The following NPHP1 variants were observed in gnomAD, a reference collection of about 807,000 sequenced individuals.
NPHP1 encodes the protein nephrocystin 1.
In NPHP1, 70 loss-of-function variants were observed where a neutral mutation model predicts 90.4. That is an observed-to-expected ratio of 0.77 (90% confidence interval 0.64 to 0.95). NPHP1 has a LOEUF of 0.95. Ranked by LOEUF, NPHP1 falls within the 40% of genes least tolerant of loss-of-function variation. NPHP1 has a pLI of 0.00. For missense variants in NPHP1, 764 were observed against 795.9 expected (o/e 0.96, Z 0.48); for synonymous variants, 256 against 271.7 (o/e 0.94, Z 0.57).
At chr2:110,184,025 T>C (rs1684100617) in intron 2 of NPHP1, 1 of 451,434 alleles carries the variant, frequency 2.2e-6, no homozygotes, top group Middle Eastern at 5.7e-4. Flanking sequence ...ACCCAACTGG[T>C]AGTTCCTTCC....
At chr2:110,174,753 T>C (rs1319621162) in intron 4 of NPHP1, among the ~76,000 whole-genome samples, 1 of 151,670 alleles carries the variant, frequency 6.6e-6, no homozygotes, top group Non-Finnish European at 1.5e-5. Context: ...TTTTTTCAGC[T>C]CTCATACAGG....
intron 16 of NPHP1, among the ~76,000 whole-genome samples, chr2:110,132,580 G>A (rs1165603041): frequency 6.6e-6 from 1 of 152,146 alleles, no homozygotes; most frequent in Non-Finnish European, 1.5e-5. Flanking sequence ...CTTGAGCCTG[G>A]GCGGTGGATG....
At position 110,143,638 on chromosome 2, in the gene NPHP1, T is replaced by A; in HGVS notation, c.1433A>T (p.His478Leu). 1 of 1,610,944 alleles carries A rather than the reference T, an allele frequency of 6.2e-7. No individual in the cohort carries two copies. Among genetic ancestry groups the A allele is most frequent in the Non-Finnish European group, 8.5e-7 (1 of 1,177,170 alleles). The change falls in exon 16 of 20, where the codon CAC becomes CTC. Residue 478 changes from histidine (H) to leucine (L), a missense_variant. His to Leu is a moderately conservative substitution (Grantham distance 99). Transcript: ENST00000445609. The stretch of plus-strand genomic sequence containing the variant: ...CATAATCTGGTAGAAAACACTGCCG[T>A]GTGCTTTTAAGAAAAATCAAAAGTA... Reference protein sequence around the residue: ...EVDPSISRRAHGSVFYQIMTM... With the variant: ...EVDPSISRRALGSVFYQIMTM...
intron 4 of NPHP1, among the ~76,000 whole-genome samples, chr2:110,172,891 T>C (rs756271824): frequency 3.3e-5 from 5 of 152,150 alleles, no homozygotes; most frequent in Non-Finnish European, 7.4e-5. Context: ...TATATTTTCT[T>C]TGACTCACAG....
intron 11 of NPHP1, among the ~76,000 whole-genome samples, chr2:110,156,440 GC>G (rs1440731662): frequency 6.6e-6 from 1 of 151,798 alleles, no homozygotes; most frequent in African/African-American, 2.4e-5. Flanking sequence ...TTTGTAATTT[GC>G]CCTTTCTTGG....
At chr2:110,201,549 G>T in intron 1 of NPHP1, 55 bp from the exon 2 acceptor site, 1 of 1,244,532 alleles carries the variant, frequency 8.0e-7, no homozygotes, top group Non-Finnish European at 1.2e-6. Flanking sequence ...CCTTAGGAAA[G>T]AAAACTTCTT....
At chr2:110,203,482 C>A (rs1394102484) in intron 1 of NPHP1, among the ~76,000 whole-genome samples, 1 of 152,136 alleles carries the variant, frequency 6.6e-6, no homozygotes, top group Non-Finnish European at 1.5e-5. Context: ...AAGTCAATGC[C>A]CCATCAAGTT....
chr2:110,124,762 CCCAAGG>C, intron 19 of NPHP1: 1 of 174,216 alleles, frequency 5.7e-6, no homozygotes, highest in East Asian at 1.5e-4. Context: ...TGTCTACAGG[CCCAAGG>C]CTGCTGTACT....
chr2:110,184,673 C>T (rs1684156421), intron 2 of NPHP1: 2 of 753,378 alleles, frequency 2.7e-6, no homozygotes, highest in Admixed American at 1.8e-5. Context: ...ATGATTTCCA[C>T]TCATCGTTTG....
At chr2:110,192,178 A>C (rs968931551) in intron 2 of NPHP1, among the ~76,000 whole-genome samples, 17 of 152,212 alleles carry the variant, frequency 1.1e-4, no homozygotes, top group South Asian at 4.1e-4. Context: ...ATGAGTTGAG[A>C]GAAGAAGGCT....
chr2:110,189,554 T>C (rs950423931), intron 2 of NPHP1, among the ~76,000 whole-genome samples: 4 of 152,126 alleles, frequency 2.6e-5, no homozygotes, highest in Non-Finnish European at 5.9e-5. Flanking sequence ...GCAAGATTTA[T>C]TGCAAACAGC....
intron 2 of NPHP1, chr2:110,184,046 T>C (rs1684102314): frequency 2.0e-6 from 1 of 496,714 alleles, no homozygotes; most frequent in South Asian, 1.5e-5. Flanking sequence ...CCAGGAGAGA[T>C]TCCTCTGCCG....
chr2:110,162,632 T>A (rs1435406493), intron 9 of NPHP1, among the ~76,000 whole-genome samples: 1 of 152,100 alleles, frequency 6.6e-6, no homozygotes, highest in Non-Finnish European at 1.5e-5. Flanking sequence ...TTTGGAAAAG[T>A]CTTGCTTGGA....
chr2:110,154,994 C>T (rs1391363526), intron 11 of NPHP1, among the ~76,000 whole-genome samples: 1 of 152,054 alleles, frequency 6.6e-6, no homozygotes, highest in Non-Finnish European at 1.5e-5. Flanking sequence ...TCACAGCAGC[C>T]CCTCCCATCA....
intron 16 of NPHP1, among the ~76,000 whole-genome samples, chr2:110,136,079 T>A (rs1270084521): frequency 6.6e-6 from 1 of 152,158 alleles, no homozygotes; most frequent in African/African-American, 2.4e-5. Context: ...AACCACATGA[T>A]TATCTCAATA....
At chr2:110,130,873 C>G (rs1679726371) in intron 17 of NPHP1, among the ~76,000 whole-genome samples, 1 of 152,148 alleles carries the variant, frequency 6.6e-6, no homozygotes, top group South Asian at 2.1e-4. Context: ...AGTGCATGTT[C>G]TCGTTGTGTA....
intron 4 of NPHP1, among the ~76,000 whole-genome samples, chr2:110,175,325 G>C (rs933023748): frequency 6.6e-6 from 1 of 152,078 alleles, no homozygotes; most frequent in Non-Finnish European, 1.5e-5. Flanking sequence ...CTTTTTGAAG[G>C]TCCAAATTTC....
intron 4 of NPHP1, among the ~76,000 whole-genome samples, chr2:110,172,793 A>G (rs1362356676): frequency 6.6e-6 from 1 of 152,006 alleles, no homozygotes. Context: ...ACAAACAAAC[A>G]AAAGATAGAA....
At chr2:110,190,162 T>C (rs1684604644) in intron 2 of NPHP1, among the ~76,000 whole-genome samples, 1 of 152,204 alleles carries the variant, frequency 6.6e-6, no homozygotes, top group South Asian at 2.1e-4. Context: ...GGAGCCCAGC[T>C]GGCTTCACCC....
Sources: allele counts gnomAD v4.1 joint callset (sites outside exome capture counted in the v4.1 genomes callset), GRCh38; gene constraint gnomAD v4.1.1; transcripts MANE v1.5; gene names NCBI Gene and HGNC (gene_info 2026-07-23, HGNC 2026-07-21).